The following CHLSN variants were observed in gnomAD, a reference collection of about 807,000 sequenced individuals.
The protein encoded by CHLSN is protein cholesin.
the CHLSN span, among the ~76,000 whole-genome samples, chr7:1,086,415 A>T: frequency 9.8e-5 from 15 of 152,352 alleles, no homozygotes; most frequent in African/African-American, 3.4e-4. Flanking sequence ...GCTCTTTATC[A>T]TCCAAATACA....
At chr7:1,042,685 G>T in the CHLSN span, among the ~76,000 whole-genome samples, 1 of 152,152 alleles carries the variant, frequency 6.6e-6, no homozygotes, top group Non-Finnish European at 1.5e-5. Context: ...CTAACCTCTA[G>T]CATTCCCCAG....
chr7:994,887 G>A, the CHLSN span, among the ~76,000 whole-genome samples: 6 of 152,358 alleles, frequency 3.9e-5, no homozygotes, highest in East Asian at 7.7e-4. Context: ...AGAAAAGCAC[G>A]CATGCCCACG....
the CHLSN span, among the ~76,000 whole-genome samples, chr7:1,117,618 G>A: frequency 5.3e-4 from 71 of 133,368 alleles, 2 homozygotes; most frequent in Admixed American, 1.6e-3. Context: ...CGACGCTCAC[G>A]CAGGATGATG....
At chr7:1,057,406 G>A in the CHLSN span, 2 of 611,048 alleles carry the variant, frequency 3.3e-6, no homozygotes, top group Non-Finnish European at 5.9e-6. Context: ...ACTGCACCAG[G>A]AGAAGGCACC....
the CHLSN span, among the ~76,000 whole-genome samples, chr7:1,050,132 G>A: frequency 1.3e-5 from 2 of 152,338 alleles, no homozygotes; most frequent in South Asian, 4.1e-4. Flanking sequence ...ACAGGCCTAC[G>A]GGCTCAGGGC....
chr7:1,105,218 C>T, the CHLSN span, among the ~76,000 whole-genome samples: 7 of 152,328 alleles, frequency 4.6e-5, no homozygotes, highest in South Asian at 2.1e-4. Context: ...AAATACCAAA[C>T]GTATACTGTG....
the CHLSN span, chr7:989,003 C>T: frequency 7.6e-4 from 422 of 558,632 alleles, 1 homozygote; most frequent in African/African-American, 5.9e-3. Flanking sequence ...TACCCCTGCC[C>T]GACCCTGTGG....
chr7:1,093,378 G>A, the CHLSN span: 3 of 437,018 alleles, frequency 6.9e-6, no homozygotes, highest in Non-Finnish European at 9.7e-6. Flanking sequence ...CTAGCGCACC[G>A]CCGAGTTAAA....
the CHLSN span, among the ~76,000 whole-genome samples, chr7:1,045,141 C>T: frequency 6.6e-6 from 1 of 152,352 alleles, no homozygotes; most frequent in South Asian, 2.1e-4. Flanking sequence ...CACTGGAAGG[C>T]AGTGCTCTCC....
chr7:1,079,584 T>C, the CHLSN span, among the ~76,000 whole-genome samples: 1 of 152,198 alleles, frequency 6.6e-6, no homozygotes, highest in Non-Finnish European at 1.5e-5. Context: ...TAAACCAGCG[T>C]GCTGAGGGAA....
At chr7:1,136,343 TATAA>T in the CHLSN span, among the ~76,000 whole-genome samples, 2 of 85,518 alleles carry the variant, frequency 2.3e-5, no homozygotes, top group Admixed American at 1.5e-4. Context: ...TATATAAACA[TATAA>T]ATATATATAA....
chr7:1,093,566 C>T, the CHLSN span: 1 of 471,036 alleles, frequency 2.1e-6, no homozygotes, highest in East Asian at 6.9e-5. Flanking sequence ...GGTTCAGTCA[C>T]TGCTTGTTGA....
At chr7:1,094,799 C>T in the CHLSN span, among the ~76,000 whole-genome samples, 1 of 152,166 alleles carries the variant, frequency 6.6e-6, no homozygotes, top group Non-Finnish European at 1.5e-5. Context: ...GCCTGGGTCT[C>T]TCAGGCAGGT....
At chr7:1,048,121 A>G in the CHLSN span, among the ~76,000 whole-genome samples, 1 of 152,116 alleles carries the variant, frequency 6.6e-6, no homozygotes, top group African/African-American at 2.4e-5. Flanking sequence ...AATGTCAAGG[A>G]CGAGCCAGTG....
At chr7:1,059,818 TG>T in the CHLSN span, among the ~76,000 whole-genome samples, 3,348 of 27,374 alleles carry the variant, frequency 0.12, 559 homozygotes, top group African/African-American at 0.2. Flanking sequence ...GGGGCGGGTC[TG>T]TAGTGGGGCG....
At chr7:1,083,430 C>T in the CHLSN span, among the ~76,000 whole-genome samples, 1 of 152,002 alleles carries the variant, frequency 6.6e-6, no homozygotes, top group African/African-American at 2.4e-5. Flanking sequence ...CGAGACCATC[C>T]TGGCTAACAC....
At chr7:1,127,277 C>G in the CHLSN span, 1 of 1,599,182 alleles carries the variant, frequency 6.3e-7, no homozygotes, top group Non-Finnish European at 8.5e-7. Flanking sequence ...GCTCCTTCGC[C>G]ACTTGGTGCA....
the CHLSN span, chr7:1,138,201 GCGCCCACGT>G: frequency 1.8e-5 from 1 of 55,198 alleles, no homozygotes; most frequent in Non-Finnish European, 3.4e-5. Context: ...GCGCCCACCT[GCGCCCACGT>G]CGCCCACCTA....
the CHLSN span, among the ~76,000 whole-genome samples, chr7:1,113,079 G>C: frequency 3.4e-4 from 52 of 152,288 alleles, 1 homozygote; most frequent in South Asian, 1.0e-2. Context: ...AGGAAGCTAT[G>C]CACCTGGAAA....
Sources: gnomAD v4.1 joint callset for allele counts (sites outside exome capture counted in the v4.1 genomes callset) on GRCh38, gnomAD v4.1.1 for gene constraint, MANE v1.5 for transcripts, NCBI Gene and HGNC (gene_info 2026-07-23, HGNC 2026-07-21) for gene names.